The following ZBTB20 variants were observed in gnomAD, a reference collection of about 807,000 sequenced individuals.
The protein encoded by ZBTB20 is zinc finger and BTB domain-containing protein 20.
In ZBTB20, 9 loss-of-function variants were observed where a neutral mutation model predicts 56.9. The observed-to-expected ratio is 0.16, with a 90% CI of 0.10 to 0.28. The LOEUF (loss-of-function observed/expected upper bound fraction) is 0.28. Among genes scored for constraint, ZBTB20 ranks in the 10% least tolerant of loss-of-function variants. The pLI is 1.00. For synonymous variants in ZBTB20, 417 were observed against 420.7 expected (o/e 0.99, Z 0.11); for missense variants, 655 against 1,003.0 (o/e 0.65, Z 4.69).
intron 1 of ZBTB20, among the ~76,000 whole-genome samples, chr3:115,125,263 A>G (rs1166395195): frequency 6.6e-6 from 1 of 151,958 alleles, no homozygotes. Context: ...TGATCCCCTG[A>G]GCCCAGGAGG....
At chr3:114,506,609 T>A (rs2044645355) in intron 6 of ZBTB20, among the ~76,000 whole-genome samples, 1 of 152,184 alleles carries the variant, frequency 6.6e-6, no homozygotes, top group Non-Finnish European at 1.5e-5. Flanking sequence ...CTTCTATATC[T>A]TAAACTACTG....
In ZBTB20 at chr3:115,078,595, A is replaced by G. The variant is rs916707344; in HGVS notation, c.-702-7181T>C. Among the ~76,000 whole-genome samples, 689 of 130,608 alleles carry G rather than the reference A, an allele frequency of 5.3e-3. 7 individuals are homozygous for G. Among genetic ancestry groups the G allele is most frequent in the African/African-American group, 0.019 (638 of 34,108 alleles). The allele number at this position is 130,608 out of a possible 152,430, so 85.7% of individuals were successfully genotyped here. A position where few individuals can be genotyped will look rare whatever the true frequency, so the allele number is the denominator to read the frequency against. Reference sequence around the variant, plus strand: ...ATAGAACAACATTATCAGTAAGAATATGTGTGTGTGTGTGTGTGTATATAT... The same window carrying G: ...ATAGAACAACATTATCAGTAAGAATGTGTGTGTGTGTGTGTGTGTATATAT... On this transcript the variant is annotated intron_variant, in intron 1 of 11. Coordinates refer to ENST00000675478, the MANE Select transcript of ZBTB20 (RefSeq NM_001348800.3).
chr3:115,016,231 G>C (rs2079951782), intron 2 of ZBTB20, among the ~76,000 whole-genome samples: 1 of 151,872 alleles, frequency 6.6e-6, no homozygotes. Context: ...TGTCAGATGG[G>C]TAGAATGCAA....
intron 1 of ZBTB20, among the ~76,000 whole-genome samples, chr3:115,128,832 G>A (rs1010161853): frequency 7.9e-5 from 12 of 152,116 alleles, no homozygotes; most frequent in African/African-American, 2.9e-4. Context: ...GGGCACGGTG[G>A]CTCACGCCTG....
At position 114,851,719 on chromosome 3, in the gene ZBTB20, T is replaced by C. The variant is rs181401387; in HGVS notation, c.-417+48585A>G. Among the ~76,000 whole-genome samples the C allele has an allele frequency of 2.1e-3, 320 of 152,190 alleles. 2 individuals carry two copies. The highest frequency in any genetic ancestry group is 7.4e-3 in the African/African-American group (307 of 41,580). ...TCCTTGTTTCTACTTTGCAGATTTG[T>C]TTTTTGTTCTTTTAACCAACTTCAT... On this transcript the variant is annotated intron_variant, in intron 4 of 11. Coordinates refer to ENST00000675478, the MANE Select transcript of ZBTB20 (RefSeq NM_001348800.3).
chr3:114,539,558 A>G (rs2048875113), intron 6 of ZBTB20, among the ~76,000 whole-genome samples: 1 of 152,134 alleles, frequency 6.6e-6, no homozygotes, highest in Admixed American at 6.6e-5. Context: ...GTAAGCCTCG[A>G]GGACAGAATG....
At chr3:115,142,323 CTTT>C (rs2084834208) in intron 1 of ZBTB20, among the ~76,000 whole-genome samples, 3 of 152,100 alleles carry the variant, frequency 2.0e-5, no homozygotes, top group African/African-American at 7.2e-5. Context: ...AATGGTCTTA[CTTT>C]TTAACATTCA....
At chr3:114,365,621 T>C (rs1250940637) in intron 10 of ZBTB20, among the ~76,000 whole-genome samples, 1 of 152,144 alleles carries the variant, frequency 6.6e-6, no homozygotes, top group Admixed American at 6.6e-5. Flanking sequence ...GGATGTGGGG[T>C]TGCAGAAAAC....
chr3:115,127,080 T>C (rs2084353911), intron 1 of ZBTB20, among the ~76,000 whole-genome samples: 1 of 152,058 alleles, frequency 6.6e-6, no homozygotes, highest in South Asian at 2.1e-4. Context: ...TGAAGTGGAG[T>C]TTGAGATTCT....
chr3:114,376,553 G>C (rs1232000323), intron 10 of ZBTB20, among the ~76,000 whole-genome samples: 1 of 152,168 alleles, frequency 6.6e-6, no homozygotes, highest in Non-Finnish European at 1.5e-5. Context: ...ATGGTTGGGA[G>C]GGGGAGGCCA....
chr3:114,545,346 A>G (rs2049747483), intron 6 of ZBTB20, among the ~76,000 whole-genome samples: 1 of 152,158 alleles, frequency 6.6e-6, no homozygotes, highest in Non-Finnish European at 1.5e-5. Context: ...ATAAACTACC[A>G]TTTGTATACC....
chr3:115,060,368 A>T (rs2081971640), intron 2 of ZBTB20, among the ~76,000 whole-genome samples: 1 of 152,172 alleles, frequency 6.6e-6, no homozygotes, highest in South Asian at 2.1e-4. Flanking sequence ...TCACTTGCAA[A>T]CCTTTTCCCT....
chr3:114,342,793 A>T lies in ZBTB20; in HGVS notation c.1805-3367T>A, dbSNP rs571253497. ...GTCAATCCTGAATTTTTAAAAAATT[A>T]TTTCAGATAATCAGTAAAACAAGTG... On this transcript the variant is annotated intron_variant, in intron 11 of 11. Transcript: ENST00000675478. Among the ~76,000 whole-genome samples the T allele has an allele frequency of 3.3e-5, 5 of 152,368 alleles. No homozygotes were observed. The South Asian group carries it at 1.0e-3, about 32-fold the overall frequency.
Position 115,116,808 on chromosome 3 carries a change from T to C in ZBTB20, c.-703+30411A>G, listed in dbSNP as rs1025926802. 5.9e-5 allele frequency among the ~76,000 whole-genome samples: 9 copies of C among 152,158 alleles called. No homozygotes were observed. The East Asian group carries it at 9.6e-4, about 16-fold the overall frequency. ...GCAATATTTATTAGGGCAAATAAAGTTGGTTGTTTACATGCCTATCTCTTC... is the reference window on the plus strand; with the variant it reads ...GCAATATTTATTAGGGCAAATAAAGCTGGTTGTTTACATGCCTATCTCTTC... On this transcript the variant is annotated intron_variant, in intron 1 of 11. Coordinates refer to ENST00000675478, the MANE Select transcript of ZBTB20 (RefSeq NM_001348800.3).
chr3:114,716,358 G>T (rs575666181), intron 5 of ZBTB20, among the ~76,000 whole-genome samples: 1 of 152,138 alleles, frequency 6.6e-6, no homozygotes, highest in Non-Finnish European at 1.5e-5. Flanking sequence ...CAGGCCTCCA[G>T]AGGACCAGCG....
At chr3:115,026,555 C>T (rs2080434346) in intron 2 of ZBTB20, among the ~76,000 whole-genome samples, 1 of 150,840 alleles carries the variant, frequency 6.6e-6, no homozygotes, top group Non-Finnish European at 1.5e-5. Context: ...CATTAGCCTT[C>T]TACTTGAGAC....
At chr3:114,849,634 T>C (rs1368045481) in intron 4 of ZBTB20, among the ~76,000 whole-genome samples, 2 of 152,248 alleles carry the variant, frequency 1.3e-5, no homozygotes, top group Non-Finnish European at 2.9e-5. Flanking sequence ...AGGAAAATGA[T>C]ATATGCTTTG....
intron 4 of ZBTB20, among the ~76,000 whole-genome samples, chr3:114,841,996 T>C (rs184006412): frequency 4.6e-5 from 7 of 152,322 alleles, no homozygotes; most frequent in Admixed American, 1.3e-4. Flanking sequence ...ACCCCCTTCA[T>C]AGTAAGTTCT....
At position 114,835,438 on chromosome 3, in the gene ZBTB20, T is replaced by G. The variant is rs142533996; in HGVS notation, c.-416-34264A>C. Among the ~76,000 whole-genome samples, 16 of 152,290 alleles carry G rather than the reference T, an allele frequency of 1.1e-4. No homozygotes were observed. The East Asian group carries it at 3.1e-3, about 29-fold the overall frequency. On this transcript the variant is annotated intron_variant, in intron 4 of 11. Transcript: ENST00000675478. ...AAATCTGTTTTCATATTGTGTAAAA[T>G]TAGTTTTGCCTGCTGTGAGTTTGTG... is the stretch of plus-strand genomic sequence containing the variant.
Sources: allele counts gnomAD v4.1 joint callset (sites outside exome capture counted in the v4.1 genomes callset), GRCh38; gene constraint gnomAD v4.1.1; transcripts MANE v1.5; gene names NCBI Gene and HGNC (gene_info 2026-07-23, HGNC 2026-07-21).